Variants in DLC1 observed in about 807,000 individuals in gnomAD.
DLC1 encodes the protein DLC1 Rho GTPase activating protein, also known as rho GTPase-activating protein 7.
A neutral mutation model predicts 140.3 loss-of-function variants in DLC1; 54 were observed. The observed-to-expected ratio is 0.38, with a 90% CI of 0.31 to 0.48. The LOEUF (loss-of-function observed/expected upper bound fraction) is 0.48. Among genes scored for constraint, DLC1 ranks in the 20% least tolerant of loss-of-function variants. The pLI is 0.96. For synonymous variants in DLC1, 986 were observed against 728.1 expected (o/e 1.35, Z -5.70); for missense variants, 2,536 against 1,907.0 (o/e 1.33, Z -6.14).
intron 5 of DLC1, among the ~76,000 whole-genome samples, chr8:13,148,950 G>A (rs907055533): frequency 3.3e-5 from 5 of 152,064 alleles, no homozygotes; most frequent in African/African-American, 7.2e-5. Context: ...CCGTCACCAC[G>A]CCCGGCTAAT....
chr8:13,472,282 C>T (rs927259751), intron 2 of DLC1, among the ~76,000 whole-genome samples: 1 of 151,912 alleles, frequency 6.6e-6, no homozygotes, highest in African/African-American at 2.4e-5. Context: ...GATTTAAATG[C>T]GTGTATACAC....
intron 1 of DLC1, among the ~76,000 whole-genome samples, chr8:13,568,906 T>TA (rs1285238851): frequency 3.9e-5 from 6 of 152,138 alleles, no homozygotes; most frequent in African/African-American, 1.2e-4. Flanking sequence ...AAATAATGAA[T>TA]GGATATAGGG....
chr8:13,584,320 G>A lies in DLC1; in HGVS notation c.-126+20217C>T, dbSNP rs77243016. The A allele has an allele frequency of 4.6e-3, 712 of 154,412 alleles. 9 individuals are homozygous for A. Among genetic ancestry groups the A allele is most frequent in the African/African-American group, 0.016 (676 of 41,536 alleles). 9.6% of individuals were successfully genotyped at this position (154,412 alleles called of 1,614,324 possible). ...GAGCTGGTGGTCTGCTAGTTTTGCT[G>A]CTGCCTGTGGGCCTGGACAGGGGTG... On this transcript the variant is annotated intron_variant, in intron 1 of 1. Transcript: ENST00000631382.
At chr8:13,409,826 A>G (rs372484973) in intron 2 of DLC1, among the ~76,000 whole-genome samples, 61 of 152,262 alleles carry the variant, frequency 4.0e-4, no homozygotes, top group African/African-American at 1.4e-3. Context: ...ATACTTGTAT[A>G]GCTTTGGACA....
intron 5 of DLC1, among the ~76,000 whole-genome samples, chr8:13,183,527 G>C (rs543448814): frequency 3.3e-5 from 5 of 152,178 alleles, no homozygotes; most frequent in South Asian, 4.1e-4. Flanking sequence ...TAGCATGAAG[G>C]GCTGTTGAAT....
At position 13,401,563 on chromosome 8, in the gene DLC1, C is replaced by G; in HGVS notation, c.1080G>C (p.Met360Ile). ...TGTCCTGATCAAGCTGGTCCAGTTT[C>G]ATAATCAGCAGCACCATGGAGTCCA... ...ARLDSMVLLIMKLDQLDQDIE... is the reference protein window; with the variant it reads ...ARLDSMVLLIIKLDQLDQDIE... Residue 360 changes from methionine (M) to isoleucine (I), a missense_variant, in exon 3 of 18, where the codon ATG (methionine) becomes ATC (isoleucine). Transcript: ENST00000276297. 1 of 1,613,728 alleles carries G rather than the reference C, an allele frequency of 6.2e-7. No homozygotes were observed. Among genetic ancestry groups the G allele is most frequent in the Non-Finnish European group, 8.5e-7 (1 of 1,179,996 alleles).
chr8:13,172,269 CT>C (rs1825527726), intron 5 of DLC1, among the ~76,000 whole-genome samples: 1 of 152,112 alleles, frequency 6.6e-6, no homozygotes, highest in African/African-American at 2.4e-5. Flanking sequence ...ATGGAGACCC[CT>C]GATAGGGTGT....
At chr8:13,551,297 T>C (rs958231013) in intron 1 of DLC1, among the ~76,000 whole-genome samples, 1 of 152,102 alleles carries the variant, frequency 6.6e-6, no homozygotes, top group African/African-American at 2.4e-5. Flanking sequence ...GTCTTCAGTA[T>C]GTGCACACAT....
At chr8:13,167,202 G>A (rs1825164689) in intron 5 of DLC1, among the ~76,000 whole-genome samples, 1 of 152,162 alleles carries the variant, frequency 6.6e-6, no homozygotes, top group Non-Finnish European at 1.5e-5. Flanking sequence ...TGGTTACAAA[G>A]GGAGTTAAGG....
At chr8:13,102,911 T>C in intron 7 of DLC1, 58 bp from the exon 8 acceptor site, 1 of 1,412,240 alleles carries the variant, frequency 7.1e-7, no homozygotes, top group Non-Finnish European at 9.9e-7. Flanking sequence ...AATGAGTGGA[T>C]AAACACCTGT....
chr8:13,354,780 A>AT (rs1834842651), intron 4 of DLC1, among the ~76,000 whole-genome samples: 1 of 122,946 alleles, frequency 8.1e-6, no homozygotes, highest in Admixed American at 8.0e-5. Flanking sequence ...CCCCATCTCT[A>AT]CAAAAAATAA....
upstream of DLC1, among the ~76,000 whole-genome samples, chr8:13,517,160 C>G (rs2117275283): frequency 6.6e-6 from 1 of 152,258 alleles, no homozygotes; most frequent in East Asian, 1.9e-4. Flanking sequence ...GATATTATGT[C>G]TTTCCTAATA....
At chr8:13,090,689 G>C (rs1817982893) in intron 14 of DLC1, among the ~76,000 whole-genome samples, 1 of 152,186 alleles carries the variant, frequency 6.6e-6, no homozygotes, top group Non-Finnish European at 1.5e-5. Context: ...TTCCATGTAA[G>C]GTCTTTGGAA....
intron 1 of DLC1, among the ~76,000 whole-genome samples, chr8:13,593,553 T>A (rs182346734): frequency 2.0e-5 from 3 of 152,196 alleles, no homozygotes; most frequent in African/African-American, 7.2e-5. Context: ...CAGGCTAATG[T>A]GAAAGAGTGA....
chr8:13,187,712 A>T (rs536648973), intron 5 of DLC1, among the ~76,000 whole-genome samples: 1 of 152,312 alleles, frequency 6.6e-6, no homozygotes, highest in South Asian at 2.1e-4. Flanking sequence ...GAGGAAATTA[A>T]TCAAAATCAT....
chr8:13,585,628 G>T (rs1490274771), intron 1 of DLC1, among the ~76,000 whole-genome samples: 1 of 152,198 alleles, frequency 6.6e-6, no homozygotes, highest in Non-Finnish European at 1.5e-5. Context: ...GGTATCACCA[G>T]GGTTTGTTCC....
chr8:13,529,081 A>C (rs1044726142), intron 1 of DLC1, among the ~76,000 whole-genome samples: 10 of 152,210 alleles, frequency 6.6e-5, no homozygotes, highest in African/African-American at 2.2e-4. Context: ...ATAGAAACCA[A>C]AAAACATACG....
intron 4 of DLC1, among the ~76,000 whole-genome samples, chr8:13,308,933 G>A (rs111652351): frequency 3.3e-5 from 5 of 152,250 alleles, no homozygotes; most frequent in South Asian, 2.1e-4. Context: ...CTATTTCTGG[G>A]CTCAGAAATA....
intron 17 of DLC1, 177 bp from the exon 18 acceptor site, chr8:13,086,108 C>G (rs1475603774): frequency 2.2e-6 from 3 of 1,336,984 alleles, no homozygotes; most frequent in African/African-American, 3.0e-5. Flanking sequence ...TCTAAGGGAA[C>G]CAAATTACGA....
Sources: gnomAD v4.1 joint callset for allele counts (sites outside exome capture counted in the v4.1 genomes callset) on GRCh38, gnomAD v4.1.1 for gene constraint, MANE v1.5 for transcripts, NCBI Gene and HGNC (gene_info 2026-07-23, HGNC 2026-07-21) for gene names.